Variants in NCAM1 observed in about 807,000 individuals in gnomAD.
NCAM1 encodes the protein neural cell adhesion molecule 1.
A neutral mutation model predicts 109.8 loss-of-function variants in NCAM1; 14 were observed. The ratio of observed to expected loss-of-function variants is 0.13; its 90% confidence interval spans 0.08 to 0.20. NCAM1 has a LOEUF of 0.20. Ranked by LOEUF, NCAM1 falls within the 10% of genes least tolerant of loss-of-function variation. The probability of loss-of-function intolerance (pLI) is 1.00; values close to 1 mark genes in which losing one functional copy is unlikely to be tolerated. For missense variants in NCAM1, 774 were observed against 1,109.9 expected, an observed-to-expected ratio of 0.70 and a Z score of 4.30; for synonymous variants, 418 against 442.9, an observed-to-expected ratio of 0.94 and a Z score of 0.70.
At chr11:113,127,156 C>T (rs1375111234) in intron 1 of NCAM1, among the ~76,000 whole-genome samples, 1 of 152,216 alleles carries the variant, frequency 6.6e-6, no homozygotes, top group Non-Finnish European at 1.5e-5. Flanking sequence ...CTGTAACAGA[C>T]TCATTTGGGA....
intron 1 of NCAM1, among the ~76,000 whole-genome samples, chr11:113,103,805 C>T (rs529741308): frequency 1.1e-4 from 16 of 151,948 alleles, no homozygotes; most frequent in South Asian, 2.1e-4. Flanking sequence ...TAACCGTGGG[C>T]GATATGCAAA....
intron 1 of NCAM1, among the ~76,000 whole-genome samples, chr11:113,044,198 G>T (rs550083765): frequency 3.3e-5 from 5 of 151,984 alleles, no homozygotes; most frequent in Non-Finnish European, 7.4e-5. Flanking sequence ...TCAGGCTATT[G>T]TCTGAACAAC....
chr11:113,266,542 G>C (rs933576148), intron 17 of NCAM1, among the ~76,000 whole-genome samples: 1 of 152,106 alleles, frequency 6.6e-6, no homozygotes, highest in African/African-American at 2.4e-5. Flanking sequence ...TTGTAATGCA[G>C]GGGAGGGAAG....
chr11:113,231,172 G>A (rs561631434), intron 9 of NCAM1: 1 of 1,530,590 alleles, frequency 6.5e-7, no homozygotes, highest in Non-Finnish European at 8.8e-7. Context: ...TCTTATGTTG[G>A]GCACTTGGAA....
At chr11:113,036,646 G>A (rs1952898375) in intron 1 of NCAM1, among the ~76,000 whole-genome samples, 1 of 152,030 alleles carries the variant, frequency 6.6e-6, no homozygotes, top group Non-Finnish European at 1.5e-5. Context: ...TGGTGCTTCT[G>A]ACCACCTTTT....
intron 1 of NCAM1, among the ~76,000 whole-genome samples, chr11:113,134,767 C>A (rs782694584): frequency 2.6e-5 from 4 of 152,112 alleles, no homozygotes; most frequent in Non-Finnish European, 5.9e-5. Context: ...CACGTTGTTG[C>A]AAGTATTTTC....
At chr11:113,237,292 G>A (rs539318532) in intron 14 of NCAM1, among the ~76,000 whole-genome samples, 130 of 152,326 alleles carry the variant, frequency 8.5e-4, no homozygotes, top group Non-Finnish European at 1.6e-3. Flanking sequence ...AGGTATTCAG[G>A]AAGCTGTACA....
At chr11:113,113,694 T>C (rs368165681) in intron 1 of NCAM1, among the ~76,000 whole-genome samples, 11 of 152,240 alleles carry the variant, frequency 7.2e-5, no homozygotes, top group South Asian at 2.1e-4. Flanking sequence ...CCTGGAAGGA[T>C]AATTTACTTT....
intron 1 of NCAM1, among the ~76,000 whole-genome samples, chr11:113,182,762 G>A (rs1433454536): frequency 2.0e-5 from 3 of 152,180 alleles, no homozygotes; most frequent in Admixed American, 6.5e-5. Flanking sequence ...CAGAGCCCCC[G>A]ACTGGGGAGC....
At chr11:112,985,453 A>G (rs946429943) in intron 1 of NCAM1, among the ~76,000 whole-genome samples, 4 of 151,906 alleles carry the variant, frequency 2.6e-5, no homozygotes, top group Admixed American at 2.0e-4. Context: ...TTTGATAGTG[A>G]TTGCATTGAA....
chr11:113,139,559 C>T (rs1387169624), intron 1 of NCAM1, among the ~76,000 whole-genome samples: 1 of 152,100 alleles, frequency 6.6e-6, no homozygotes, highest in Non-Finnish European at 1.5e-5. Context: ...CAAGGTCTGC[C>T]ATCTCTTCAT....
rs1308179011 is a variant in NCAM1 at position 112,962,412 on chromosome 11, G to A, written c.52+748G>A. On this transcript the variant is annotated intron_variant, in intron 1 of 19. Transcript: ENST00000316851. The surrounding 1 kb of genome is among the most constrained non-coding windows in gnomAD (Gnocchi z 5.6). ...GGAAGTGCGGAGGGGCGGAGGGCGA[G>A]GAGGGCGTGATTGGGGCTGCCTGGT... Among the ~76,000 whole-genome samples, 1 of 152,076 alleles carries A rather than the reference G, an allele frequency of 6.6e-6. No homozygotes were observed. Among genetic ancestry groups the A allele is most frequent in the Non-Finnish European group, 1.5e-5 (1 of 67,994 alleles).
Position 113,232,785 on chromosome 11 carries a change from A to G in NCAM1, c.1493A>G (p.Glu498Gly). ...ACTGCAGTGAACCGCATTGGGCAGG[A>G]GTCCTTGGAATTCATCCTTGTTCAA... ...NCTAVNRIGQ[E>G]SLEFILVQAD... The change falls in exon 12 of 20, where the codon GAG becomes GGG. Residue 498 changes from glutamate (E) to glycine (G), a missense_variant. By Grantham distance (98) the Glu-to-Gly change is moderately conservative (BLOSUM62 -2). Around this residue, in one of 4 missense-constraint regions of NCAM1, gnomAD observed 523 missense variants for 784.2 expected, o/e 0.67. Coordinates refer to ENST00000316851, the MANE Select transcript of NCAM1 (RefSeq NM_181351.5). 1.2e-6 allele frequency: 2 copies of G among 1,613,930 alleles called. No homozygotes were observed. Among genetic ancestry groups the G allele is most frequent in the East Asian group, 2.2e-5 (1 of 44,886 alleles).
intron 1 of NCAM1, among the ~76,000 whole-genome samples, chr11:112,986,336 A>G (rs1951303482): frequency 1.3e-5 from 2 of 151,798 alleles, no homozygotes; most frequent in Non-Finnish European, 2.9e-5. Flanking sequence ...GGATTTTTGC[A>G]TCTATATTAC....
At chr11:113,131,480 G>GA (rs1358610601) in intron 1 of NCAM1, among the ~76,000 whole-genome samples, 1 of 152,232 alleles carries the variant, frequency 6.6e-6, no homozygotes, top group Non-Finnish European at 1.5e-5. Flanking sequence ...GAGAAAGAGG[G>GA]ATGTGTTGGA....
At chr11:113,268,501 G>A (rs1298620113) in intron 17 of NCAM1, among the ~76,000 whole-genome samples, 4 of 152,188 alleles carry the variant, frequency 2.6e-5, no homozygotes, top group Non-Finnish European at 4.4e-5. Flanking sequence ...AAACATGTAC[G>A]AGCTGCACCC....
At chr11:113,240,266 A>C (rs1945283751) in intron 14 of NCAM1, among the ~76,000 whole-genome samples, 1 of 152,226 alleles carries the variant, frequency 6.6e-6, no homozygotes, top group Non-Finnish European at 1.5e-5. Flanking sequence ...TAGGTAGGAG[A>C]GCCATTTCTG....
At chr11:113,086,551 G>A (rs542300049) in intron 1 of NCAM1, among the ~76,000 whole-genome samples, 2 of 152,260 alleles carry the variant, frequency 1.3e-5, no homozygotes, top group East Asian at 1.9e-4. Context: ...GTCTTGCTTC[G>A]AAGTTCTTGT....
intron 15 of NCAM1, among the ~76,000 whole-genome samples, chr11:113,247,940 T>C (rs1945550207): frequency 6.6e-6 from 1 of 152,238 alleles, no homozygotes; most frequent in South Asian, 2.1e-4. Flanking sequence ...GAAAAAGATC[T>C]GGGCCTTCAC....
Sources: gnomAD v4.1 joint callset for allele counts (sites outside exome capture counted in the v4.1 genomes callset) on GRCh38, gnomAD v4.1.1 for gene constraint, gnomAD v4.1.1 regional missense constraint, Gnocchi (gnomAD v3.1) non-coding constraint, MANE v1.5 for transcripts, NCBI Gene and HGNC (gene_info 2026-07-23, HGNC 2026-07-21) for gene names.